Variants in CCNF observed in about 807,000 individuals in gnomAD.
CCNF encodes the protein cyclin-F.
Under a neutral mutation model 85.4 loss-of-function variants are expected in CCNF, and 30 were observed. The observed-to-expected ratio is 0.35, with a 90% CI of 0.26 to 0.48. The LOEUF (loss-of-function observed/expected upper bound fraction) is 0.48, where lower values mean the gene tolerates loss of function less well. CCNF is among the 20% of genes least tolerant of loss of function. CCNF has a pLI of 0.99. For synonymous variants in CCNF, 439 were observed against 425.1 expected (o/e 1.03, Z -0.40); for missense variants, 919 against 1,010.4 (o/e 0.91, Z 1.23).
At position 2,451,224 on chromosome 16, in the gene CCNF, G is replaced by A. The variant is rs1026407869; in HGVS notation, c.1487+1309G>A. 4.6e-5 allele frequency among the ~76,000 whole-genome samples: 7 copies of A among 152,192 alleles called. No individual in the cohort carries two copies. Among genetic ancestry groups the A allele is most frequent in the Non-Finnish European group, 5.9e-5 (4 of 68,030 alleles). ...GTGACGAGAGAAACAGCAGGCAGGC[G>A]CGCGGGGCAGGTGGCGCGGGCGGGG... On this transcript the variant is annotated intron_variant, in intron 13 of 16. Coordinates refer to ENST00000397066, the MANE Select transcript of CCNF (RefSeq NM_001761.3). The surrounding 1 kb of genome is among the most constrained non-coding windows in gnomAD (Gnocchi z 4.3).
At position 2,431,207 on chromosome 16, in the gene CCNF, A is replaced by G. The variant is rs1180115137; in HGVS notation, c.94A>G (p.Ile32Val). The change falls in exon 2 of 17, where the codon ATC becomes GTC. Residue 32 changes from isoleucine to valine, a missense_variant. Ile to Val is a conservative substitution (Grantham distance 29, BLOSUM62 3). Transcript: ENST00000397066. Reference sequence around the variant, plus strand: ...AAGGAGGAGGCCCCGAAACCTGACCATCTTGAGTCTCCCCGAAGATGTGCT... The same window carrying G: ...AAGGAGGAGGCCCCGAAACCTGACCGTCTTGAGTCTCCCCGAAGATGTGCT... ...RIRRRPRNLT[I>V]LSLPEDVLFH... 1.2e-6 allele frequency: 2 copies of G among 1,614,176 alleles called. No homozygotes were observed. Among genetic ancestry groups the G allele is most frequent in the African/African-American group, 2.7e-5 (2 of 75,032 alleles).
In CCNF at chr16:2,458,705, T is replaced by C. The variant is rs2065446055; in HGVS notation, c.*1685T>C. The C allele has an allele frequency of 6.6e-6, 1 of 152,196 alleles. No homozygotes were observed. The highest frequency in any genetic ancestry group is 1.5e-5 in the Non-Finnish European group (1 of 68,096). The allele number at this position is 152,196 out of a possible 1,614,324, so 9.4% of individuals were successfully genotyped here. Reference sequence around the variant, plus strand: ...CACCCTGGGTGGGGTGTGGTCGGGGTGAGAACCCAAGCGTTGGAACTGTAG... The same window carrying C: ...CACCCTGGGTGGGGTGTGGTCGGGGCGAGAACCCAAGCGTTGGAACTGTAG... On this transcript the variant is annotated 3_prime_UTR_variant, in exon 17 of 17. Transcript: ENST00000397066.
chr16:2,449,251 T>C (rs1229649849), intron 11 of CCNF, 31 bp from the exon 12 acceptor site: 1 of 1,612,432 alleles, frequency 6.2e-7, no homozygotes, highest in Non-Finnish European at 8.5e-7. Context: ...CCCCGAGCGC[T>C]GAGAGCCCAC....
chr16:2,453,634 G>C lies in CCNF; in HGVS notation c.1715+97G>C, dbSNP rs953913964. On this transcript the variant is annotated intron_variant, in intron 15 of 16. Transcript: ENST00000397066. This position sits in a 1 kb window ranked among gnomAD's most constrained non-coding sequence, Gnocchi z 5.6. ...TTCCTCACACAGAGAGGCCCCCAAG[G>C]CTTGTCAGGGGAGCAGCAGATCCCA... 1 of 1,496,540 alleles carries C rather than the reference G, an allele frequency of 6.7e-7. No individual in the cohort carries two copies. The highest frequency in any genetic ancestry group is 9.2e-7 in the Non-Finnish European group (1 of 1,092,356). 92.7% of individuals were successfully genotyped at this position (1,496,540 alleles called of 1,614,324 possible).
At chr16:2,448,189 C>T (rs1182627867) in intron 10 of CCNF, among the ~76,000 whole-genome samples, 1 of 152,226 alleles carries the variant, frequency 6.6e-6, no homozygotes, top group Non-Finnish European at 1.5e-5. Flanking sequence ...TCTGGTGACT[C>T]ACCCACCTTC....
At position 2,432,820 on chromosome 16, in the gene CCNF, CAG is replaced by C. The variant is rs111591563; in HGVS notation, c.172-137_172-136del. 3.6e-6 allele frequency: 2 copies of C among 559,414 alleles called. 1 individual carries two copies. Among genetic ancestry groups the C allele is most frequent in the South Asian group, 4.6e-5 (2 of 43,806 alleles). 34.7% of individuals were successfully genotyped at this position (559,414 alleles called of 1,614,324 possible). A position where few individuals can be genotyped will look rare whatever the true frequency, so the allele number is the denominator to read the frequency against. ...GCTCAAAGTGACAGTTACTTTCACA[CAG>C]AGATTGGGGACCTCAACTACTTGGG... On this transcript the variant is annotated intron_variant, in intron 2 of 16. Transcript: ENST00000397066.
chr16:2,457,191 C>A lies in CCNF; in HGVS notation c.*171C>A, dbSNP rs1294390009. ...TCCGCGGGAGTCCCGTGCAAGCCAT[C>A]AGAATGTTGAAATGAGGGTGAAGAG... On this transcript the variant is annotated 3_prime_UTR_variant, in exon 17 of 17. Transcript: ENST00000397066. 7.0e-6 allele frequency: 4 copies of A among 569,918 alleles called. No homozygotes were observed. The Admixed American group carries it at 1.0e-4, about 15-fold the overall frequency. 35.3% of individuals were successfully genotyped at this position (569,918 alleles called of 1,614,324 possible).
At chr16:2,436,856 G>A (rs542424026) in intron 4 of CCNF, 2 of 284,774 alleles carry the variant, frequency 7.0e-6, no homozygotes, top group East Asian at 6.0e-5. Flanking sequence ...ATGAAGCGTC[G>A]CGGGGTCTCC....
intron 9 of CCNF, 166 bp from the exon 10 acceptor site, chr16:2,445,292 C>T (rs922197882): frequency 3.5e-5 from 26 of 738,358 alleles, no homozygotes; most frequent in African/African-American, 1.8e-5. Flanking sequence ...CACGGAGCCT[C>T]CCGGGCTTCC....
intron 9 of CCNF, among the ~76,000 whole-genome samples, 183 bp downstream of exon 9, chr16:2,443,983 G>C (rs374735211): frequency 2.0e-5 from 3 of 151,008 alleles, no homozygotes; most frequent in East Asian, 3.9e-4. Context: ...GCAGTGGCGC[G>C]ATCTCAGCTC....
intron 4 of CCNF, 151 bp from the exon 5 acceptor site, chr16:2,436,978 C>T (rs2065294268): frequency 3.6e-6 from 2 of 550,784 alleles, no homozygotes; most frequent in South Asian, 3.4e-5. Flanking sequence ...AGACAGGTGC[C>T]CCCATCCTGG....
chr16:2,440,703 C>G (rs925296659), intron 8 of CCNF, among the ~76,000 whole-genome samples: 10 of 152,196 alleles, frequency 6.6e-5, no homozygotes, highest in Admixed American at 6.5e-4. Context: ...GATCTGCGCT[C>G]AAATGCTAGG....
chr16:2,448,110 C>T (rs2065372125), intron 10 of CCNF, among the ~76,000 whole-genome samples: 2 of 152,256 alleles, frequency 1.3e-5, no homozygotes, highest in Admixed American at 1.3e-4. Flanking sequence ...AGTCAGGATT[C>T]CTGCGGCCAC....
rs1443237838 is a variant in CCNF at position 2,445,468 on chromosome 16, A to G, written c.940A>G (p.Ile314Val). The change falls in exon 10 of 17, where the codon ATC becomes GTC. Residue 314 changes from isoleucine to valine, a missense_variant. By Grantham distance (29) the Ile-to-Val change is conservative (BLOSUM62 3). Around this residue, in one of 3 missense-constraint regions of CCNF, gnomAD observed 410 missense variants for 478.6 expected, o/e 0.86. Transcript: ENST00000397066. ...CTTCTCTTTCCGCAGGTACATTCTG[A>G]TCGACTGGCTGGTGGAAGTTGCCAC... ...GLNDTMRYIL[I>V]DWLVEVATMK... 1 of 1,613,992 alleles carries G rather than the reference A, an allele frequency of 6.2e-7. No homozygotes were observed. The highest frequency in any genetic ancestry group is 1.3e-5 in the African/African-American group (1 of 74,918).
Position 2,433,097 on chromosome 16 carries a change from C to G in CCNF, c.278+30C>G, listed in dbSNP as rs556103313. The G allele has an allele frequency of 6.3e-6, 9 of 1,422,494 alleles. No homozygotes were observed. In the South Asian group the frequency reaches 9.5e-5, roughly 15 times the overall value. The allele number at this position is 1,422,494 out of a possible 1,614,324, so 88.1% of individuals were successfully genotyped here. Reference sequence around the variant, plus strand: ...CTCTGCACCCTGAGAATGGCTCAGTCTTCTCCTGCCTTGGCCTCCCTATGT... The same window carrying G: ...CTCTGCACCCTGAGAATGGCTCAGTGTTCTCCTGCCTTGGCCTCCCTATGT... On this transcript the variant is annotated intron_variant, in intron 3 of 16. Coordinates refer to ENST00000397066, the MANE Select transcript of CCNF (RefSeq NM_001761.3).
chr16:2,431,326 G>A, intron 2 of CCNF, 42 bp downstream of exon 2: 1 of 1,596,844 alleles, frequency 6.3e-7, no homozygotes, highest in Non-Finnish European at 8.6e-7. Flanking sequence ...TAGCATTGTT[G>A]ATTATACCAT....
chr16:2,450,199 T>C (rs144015404), intron 13 of CCNF, among the ~76,000 whole-genome samples: 2 of 148,112 alleles, frequency 1.4e-5, no homozygotes, highest in Non-Finnish European at 3.0e-5. Context: ...AGAGCAAGAC[T>C]CTGTCTCTAA....
intron 13 of CCNF, 62 bp downstream of exon 13, chr16:2,449,977 CG>C: frequency 8.6e-7 from 1 of 1,158,000 alleles, no homozygotes. Context: ...GAGGCCGAGG[CG>C]GGCAGATCAT....
rs557346338 is a variant in CCNF at position 2,457,362 on chromosome 16, G to A, written c.*342G>A. ...GTGTTCCCAGCCCCACCAGAGCCCCGTGCCGGGAGCTGACAGCTTTCACGC... is the reference window on the plus strand; with the variant it reads ...GTGTTCCCAGCCCCACCAGAGCCCCATGCCGGGAGCTGACAGCTTTCACGC... On this transcript the variant is annotated 3_prime_UTR_variant, in exon 17 of 17. Transcript: ENST00000397066. 4.4e-4 allele frequency: 88 copies of A among 202,026 alleles called. No individual in the cohort carries two copies. The highest frequency in any genetic ancestry group is 1.8e-3 in the African/African-American group (76 of 43,218). 12.5% of individuals were successfully genotyped at this position (202,026 alleles called of 1,614,324 possible). A position where few individuals can be genotyped will look rare whatever the true frequency, so the allele number is the denominator to read the frequency against.
Sources: gnomAD v4.1 joint callset for allele counts (sites outside exome capture counted in the v4.1 genomes callset) on GRCh38, gnomAD v4.1.1 for gene constraint, gnomAD v4.1.1 regional missense constraint, Gnocchi (gnomAD v3.1) non-coding constraint, MANE v1.5 for transcripts, NCBI Gene and HGNC (gene_info 2026-07-23, HGNC 2026-07-21) for gene names.